The following BMPR1A variants were observed in gnomAD, a reference collection of about 807,000 sequenced individuals.
The protein encoded by BMPR1A is bone morphogenetic protein receptor type 1A.
A neutral mutation model predicts 66.0 loss-of-function variants in BMPR1A; 7 were observed. The observed-to-expected ratio is 0.11, with a 90% CI of 0.06 to 0.20. BMPR1A has a LOEUF of 0.20. Ranked by LOEUF, BMPR1A falls within the 10% of genes least tolerant of loss-of-function variation. The probability of loss-of-function intolerance (pLI) is 1.00; values close to 1 mark genes in which losing one functional copy is unlikely to be tolerated. For missense variants in BMPR1A, 408 were observed against 669.1 expected, an observed-to-expected ratio of 0.61 and a Z score of 4.31; for synonymous variants, 200 against 229.7, an observed-to-expected ratio of 0.87 and a Z score of 1.17.
intron 1 of BMPR1A, among the ~76,000 whole-genome samples, chr10:86,780,921 C>T (rs1236023124): frequency 6.6e-6 from 1 of 151,968 alleles, no homozygotes; most frequent in Admixed American, 6.6e-5. Flanking sequence ...CACCACGTTG[C>T]CCAGGCTGGT....
At chr10:86,832,389 C>A (rs1258174598) in intron 1 of BMPR1A, among the ~76,000 whole-genome samples, 1 of 151,856 alleles carries the variant, frequency 6.6e-6, no homozygotes, top group African/African-American at 2.4e-5. Context: ...TTGCTTGAAC[C>A]CGGGAGGCAG....
At chr10:86,852,105 A>G (rs1589746423) in intron 2 of BMPR1A, among the ~76,000 whole-genome samples, 1 of 147,880 alleles carries the variant, frequency 6.8e-6, no homozygotes, top group South Asian at 2.2e-4. Flanking sequence ...AGTCTGAAAT[A>G]CCCCTCACAA....
chr10:86,927,761 A>T lies in BMPR1A; in HGVS notation c.*4042A>T. The T allele has an allele frequency of 5.0e-6, 1 of 198,812 alleles. No individual in the cohort carries two copies. The highest frequency in any genetic ancestry group is 1.0e-5 in the Non-Finnish European group (1 of 96,402). The allele number at this position is 198,812 out of a possible 1,614,324, so 12.3% of individuals were successfully genotyped here. ...TCATTAGGGGAAACTGTACATAGGC[A>T]TTGAAAGAAGGGTAAAAGCAAGCAG... On this transcript the variant is annotated 3_prime_UTR_variant, in exon 13 of 13. Transcript: ENST00000372037.
At chr10:86,918,165 C>A (rs1018332313) in intron 9 of BMPR1A, among the ~76,000 whole-genome samples, 2 of 152,148 alleles carry the variant, frequency 1.3e-5, no homozygotes, top group African/African-American at 2.4e-5. Context: ...TTCCACCTTA[C>A]AACATCACCA....
chr10:86,871,117 C>T (rs1842849756), intron 2 of BMPR1A, among the ~76,000 whole-genome samples: 1 of 152,172 alleles, frequency 6.6e-6, no homozygotes, highest in South Asian at 2.1e-4. Context: ...CTTAGAACTT[C>T]CCGTCTTTCT....
chr10:86,766,183 G>A (rs1225111089), intron 1 of BMPR1A, among the ~76,000 whole-genome samples: 1 of 151,930 alleles, frequency 6.6e-6, no homozygotes, highest in Admixed American at 6.6e-5. Context: ...GTGGAGGTGG[G>A]ATCTCACCAT....
chr10:86,848,789 G>T (rs1183947778), intron 2 of BMPR1A, among the ~76,000 whole-genome samples: 2 of 152,074 alleles, frequency 1.3e-5, no homozygotes, highest in Non-Finnish European at 2.9e-5. Context: ...TCTCCTGATG[G>T]TCTGTAATTT....
intron 7 of BMPR1A, among the ~76,000 whole-genome samples, chr10:86,909,235 T>C (rs1321235572): frequency 5.3e-5 from 8 of 152,046 alleles, no homozygotes; most frequent in Admixed American, 1.3e-4. Context: ...TATTCCCCAG[T>C]GTAAGGTCAA....
At chr10:86,910,657 A>G (rs1240325792) in intron 7 of BMPR1A, among the ~76,000 whole-genome samples, 1 of 152,184 alleles carries the variant, frequency 6.6e-6, no homozygotes, top group Non-Finnish European at 1.5e-5. Flanking sequence ...ATTTTAAACT[A>G]TTTGAGTCAA....
At chr10:86,778,748 C>T (rs532372025) in intron 1 of BMPR1A, among the ~76,000 whole-genome samples, 14 of 151,660 alleles carry the variant, frequency 9.2e-5, no homozygotes, top group Admixed American at 3.3e-4. Flanking sequence ...CTCCCTGTCC[C>T]TCCCTTTCCT....
intron 1 of BMPR1A, among the ~76,000 whole-genome samples, chr10:86,791,354 A>G (rs1324778878): frequency 6.6e-6 from 1 of 151,898 alleles, no homozygotes; most frequent in Non-Finnish European, 1.5e-5. Context: ...CTGGGACTAC[A>G]GGCACGTGCC....
At chr10:86,773,961 C>G (rs1422804725) in intron 1 of BMPR1A, among the ~76,000 whole-genome samples, 2 of 151,740 alleles carry the variant, frequency 1.3e-5, no homozygotes. Context: ...AGCGATTCTC[C>G]TGCCTCAGCC....
chr10:86,799,101 T>TA (rs1341491559), intron 1 of BMPR1A, among the ~76,000 whole-genome samples: 2 of 152,222 alleles, frequency 1.3e-5, no homozygotes, highest in African/African-American at 2.4e-5. Context: ...CTTAAGGAGT[T>TA]AAAGTTTTAG....
At chr10:86,768,312 AAAAC>A (rs2132635194) in intron 1 of BMPR1A, among the ~76,000 whole-genome samples, 1 of 152,360 alleles carries the variant, frequency 6.6e-6, no homozygotes, top group East Asian at 1.9e-4. Flanking sequence ...GTACATTAAA[AAAAC>A]TGTTATCCAA....
chr10:86,838,021 C>A (rs967254807), intron 1 of BMPR1A, among the ~76,000 whole-genome samples: 1 of 152,166 alleles, frequency 6.6e-6, no homozygotes, highest in Admixed American at 6.5e-5. Flanking sequence ...GCATAGGCAA[C>A]GTTCATACAG....
intron 1 of BMPR1A, among the ~76,000 whole-genome samples, chr10:86,814,282 A>G (rs1030984880): frequency 1.3e-5 from 2 of 152,072 alleles, no homozygotes; most frequent in East Asian, 1.9e-4. Flanking sequence ...TATGGGCTGC[A>G]TTAGCTCTTT....
At chr10:86,757,764 A>G (rs182946895) in intron 1 of BMPR1A, among the ~76,000 whole-genome samples, 84 of 152,302 alleles carry the variant, frequency 5.5e-4, no homozygotes, top group African/African-American at 1.8e-3. Flanking sequence ...GGTTTATTGT[A>G]TTCCTCATTG....
chr10:86,802,631 G>GA (rs1249709191), intron 1 of BMPR1A, among the ~76,000 whole-genome samples: 182 of 139,254 alleles, frequency 1.3e-3, no homozygotes, highest in Middle Eastern at 3.8e-3. Context: ...GCTTGAGGGA[G>GA]AAAAAAAAAA....
chr10:86,822,440 A>G (rs1842132503), intron 1 of BMPR1A, among the ~76,000 whole-genome samples: 1 of 152,172 alleles, frequency 6.6e-6, no homozygotes, highest in African/African-American at 2.4e-5. Context: ...GATCTGTACA[A>G]CCATTATCAC....
Sources: allele counts gnomAD v4.1 joint callset (sites outside exome capture counted in the v4.1 genomes callset), GRCh38; gene constraint gnomAD v4.1.1; transcripts MANE v1.5; gene names NCBI Gene and HGNC (gene_info 2026-07-23, HGNC 2026-07-21).